FOXN3: variants seen among roughly 807,000 people sequenced by gnomAD.
FOXN3 encodes forkhead box N3.
FOXN3 carries 7 observed loss-of-function variants against 38.4 expected under a neutral mutation model. The ratio of observed to expected loss-of-function variants is 0.18; its 90% CI spans 0.10 to 0.34. FOXN3 has a LOEUF of 0.34. Ranked by LOEUF, FOXN3 falls within the 10% of genes least tolerant of loss-of-function variation. The pLI is 1.00. For synonymous variants in FOXN3, 230 were observed against 242.2 expected (o/e 0.95, Z 0.47); for missense variants, 456 against 613.4 (o/e 0.74, Z 2.71).
intron 3 of FOXN3, among the ~76,000 whole-genome samples, chr14:89,344,140 A>G (rs1181368785): frequency 3.9e-5 from 6 of 152,204 alleles, no homozygotes; most frequent in Non-Finnish European, 7.3e-5. Flanking sequence ...TAGATCAGCA[A>G]ATGAGTCTTG....
At chr14:89,297,824 ATTT>A (rs773198982) in intron 3 of FOXN3, among the ~76,000 whole-genome samples, 2 of 150,448 alleles carry the variant, frequency 1.3e-5, no homozygotes, top group Non-Finnish European at 2.9e-5. Context: ...CAAAAAAAAA[ATTT>A]TTTTTTAAGT....
At chr14:89,514,567 G>A (rs144790297) in intron 1 of FOXN3, among the ~76,000 whole-genome samples, 2 of 152,332 alleles carry the variant, frequency 1.3e-5, no homozygotes, top group East Asian at 3.9e-4. Flanking sequence ...TACTGACGTA[G>A]AAACTGAGGT....
At chr14:89,485,276 C>T (rs540121731) in intron 1 of FOXN3, among the ~76,000 whole-genome samples, 27 of 152,188 alleles carry the variant, frequency 1.8e-4, no homozygotes, top group Non-Finnish European at 3.7e-4. Context: ...TTAATCAGGG[C>T]ACTTGGCTCC....
At chr14:89,296,606 C>T (rs1369709633) in intron 3 of FOXN3, among the ~76,000 whole-genome samples, 1 of 152,156 alleles carries the variant, frequency 6.6e-6, no homozygotes, top group Admixed American at 6.5e-5. Flanking sequence ...CTTGGGACTT[C>T]CCCAGAGGAC....
chr14:89,267,360 T>G (rs759375274), intron 4 of FOXN3, among the ~76,000 whole-genome samples: 4 of 152,276 alleles, frequency 2.6e-5, no homozygotes, highest in Middle Eastern at 3.4e-3. Context: ...GCAGTGGTCA[T>G]AGCTGGGCTG....
chr14:89,377,629 C>T (rs78953231), intron 2 of FOXN3, among the ~76,000 whole-genome samples: 2,125 of 152,250 alleles, frequency 0.014, 63 homozygotes, highest in African/African-American at 0.049. Flanking sequence ...AATTTTCTCA[C>T]AGTAAAAAAT....
At chr14:89,587,687 G>A (rs1193422066) in intron 1 of FOXN3, among the ~76,000 whole-genome samples, 1 of 151,960 alleles carries the variant, frequency 6.6e-6, no homozygotes, top group South Asian at 2.1e-4. Context: ...GGACGATATG[G>A]GGAAACCTCG....
intron 1 of FOXN3, among the ~76,000 whole-genome samples, chr14:89,524,721 A>G (rs1894401686): frequency 6.6e-6 from 1 of 152,290 alleles, no homozygotes; most frequent in Middle Eastern, 3.4e-3. Flanking sequence ...CAAATTCCCT[A>G]AAAGATACAA....
Position 89,156,260 on chromosome 14 carries a change from A to G in FOXN3, c.*6154T>C, listed in dbSNP as rs1008765933. 8 of 152,660 alleles carry G rather than the reference A, an allele frequency of 5.2e-5. No individual in the cohort carries two copies. The highest frequency in any genetic ancestry group is 1.2e-4 in the Non-Finnish European group (8 of 68,038). 9.5% of individuals were successfully genotyped at this position (152,660 alleles called of 1,614,324 possible). Reference sequence around the variant, plus strand: ...CAGAAACTTTATGGTAGGTCTGGGGAAAAGTGTTATTTACAATAAATGATG... The same window carrying G: ...CAGAAACTTTATGGTAGGTCTGGGGGAAAGTGTTATTTACAATAAATGATG... On this transcript the variant is annotated 3_prime_UTR_variant, in exon 6 of 6. Transcript: ENST00000557258.
chr14:89,274,202 TCCAGA>T (rs960778634), intron 4 of FOXN3, among the ~76,000 whole-genome samples: 1 of 152,124 alleles, frequency 6.6e-6, no homozygotes, highest in African/African-American at 2.4e-5. Flanking sequence ...GTGCCAGGAC[TCCAGA>T]CCAGAGGCTG....
intron 3 of FOXN3, among the ~76,000 whole-genome samples, chr14:89,345,311 G>A (rs982263894): frequency 4.0e-5 from 6 of 151,296 alleles, no homozygotes; most frequent in African/African-American, 1.5e-4. Flanking sequence ...AAAACAATCG[G>A]GATATCTAAA....
intron 3 of FOXN3, among the ~76,000 whole-genome samples, chr14:89,328,237 G>A (rs985054904): frequency 2.0e-5 from 3 of 152,206 alleles, no homozygotes; most frequent in African/African-American, 4.8e-5. Flanking sequence ...CAAGTAACCC[G>A]CACAAAGCAT....
chr14:89,336,774 G>A (rs1032938991), intron 3 of FOXN3, among the ~76,000 whole-genome samples: 4 of 152,214 alleles, frequency 2.6e-5, no homozygotes, highest in African/African-American at 9.6e-5. Context: ...GTGCTAAACA[G>A]CTTACTTTCA....
intron 4 of FOXN3, among the ~76,000 whole-genome samples, chr14:89,239,246 A>G (rs1176431695): frequency 6.6e-6 from 1 of 152,160 alleles, no homozygotes; most frequent in Non-Finnish European, 1.5e-5. Flanking sequence ...TGTGGGAATC[A>G]ATTAGGAGGT....
rs1187657028 is a variant in FOXN3, at chr14:89,158,647, A to G, written c.*3767T>C. ...AGGCTGGGAAAAATCTATGATGCAA[A>G]CCCTTTCCACATAGTACTAGATAAA... is the stretch of plus-strand genomic sequence containing the variant. On this transcript the variant is annotated 3_prime_UTR_variant, in exon 6 of 6. Transcript: ENST00000557258. The G allele has an allele frequency of 1.3e-5, 2 of 152,608 alleles. No homozygotes were observed. Among genetic ancestry groups the G allele is most frequent in the Non-Finnish European group, 2.9e-5 (2 of 68,034 alleles). 9.5% of individuals were successfully genotyped at this position (152,608 alleles called of 1,614,324 possible). A position where few individuals can be genotyped will look rare whatever the true frequency, so the allele number is the denominator to read the frequency against.
intron 1 of FOXN3, among the ~76,000 whole-genome samples, chr14:89,551,043 C>T (rs1894996292): frequency 6.6e-6 from 1 of 152,152 alleles, no homozygotes; most frequent in African/African-American, 2.4e-5. Context: ...AGAGCAGAGC[C>T]CTTAAACATC....
chr14:89,419,396 A>G (rs1891845078), upstream of FOXN3: 1 of 338,778 alleles, frequency 3.0e-6, no homozygotes, highest in Non-Finnish European at 5.8e-6. Context: ...GTTTGGGAAC[A>G]ACCCCATTCA....
At chr14:89,310,954 A>T (rs1887521172) in intron 3 of FOXN3, among the ~76,000 whole-genome samples, 1 of 151,812 alleles carries the variant, frequency 6.6e-6, no homozygotes, top group African/African-American at 2.4e-5. Flanking sequence ...TAAAAATACA[A>T]AATTAGCCGG....
At chr14:89,209,335 C>T (rs967154310) in intron 4 of FOXN3, among the ~76,000 whole-genome samples, 5 of 152,212 alleles carry the variant, frequency 3.3e-5, no homozygotes, top group African/African-American at 7.2e-5. Flanking sequence ...ATAACCCTGA[C>T]GAATGGCCAA....
Sources: allele counts gnomAD v4.1 joint callset (sites outside exome capture counted in the v4.1 genomes callset), GRCh38; gene constraint gnomAD v4.1.1; transcripts MANE v1.5; gene names NCBI Gene and HGNC (gene_info 2026-07-23, HGNC 2026-07-21).